TCF7L2: variants seen among roughly 807,000 people sequenced by gnomAD.
TCF7L2 encodes the protein transcription factor 7 like 2, also known as transcription factor 7-like 2.
TCF7L2 carries 23 observed loss-of-function variants against 77.9 expected under a neutral mutation model. The ratio of observed to expected loss-of-function variants is 0.30; its 90% CI spans 0.21 to 0.42. TCF7L2 has a LOEUF of 0.42. Ranked by LOEUF, TCF7L2 falls within the 10% of genes least tolerant of loss-of-function variation. TCF7L2 has a pLI of 1.00. For missense variants in TCF7L2, 654 were observed against 793.1 expected, an observed-to-expected ratio of 0.82 and a Z score of 2.11; for synonymous variants, 413 against 340.2, an observed-to-expected ratio of 1.21 and a Z score of -2.36.
At chr10:112,951,100 GT>G (rs993101071) in intron 1 of TCF7L2, 106 bp from the exon 2 acceptor site, 3 of 1,305,038 alleles carry the variant, frequency 2.3e-6, no homozygotes, top group African/African-American at 3.2e-5. Flanking sequence ...TTGTAACCCT[GT>G]TTTTTTCTAC....
rs1436095452 is a variant in TCF7L2 at position 113,151,169 on chromosome 10, T to C, written c.1001+46T>C. 1.9e-6 allele frequency: 3 copies of C among 1,611,940 alleles called. No homozygotes were observed. Among genetic ancestry groups the C allele is most frequent in the Non-Finnish European group, 2.5e-6 (3 of 1,178,360 alleles). ...CACCTTCTTCGTAGCCGCAGTGTTC[T>C]GCAAGCCTGTTGCAGCTGCTGGGTG... is the stretch of plus-strand genomic sequence containing the variant. On this transcript the variant is annotated intron_variant, in intron 9 of 13. Transcript: ENST00000627217. This position sits in a 1 kb window ranked among gnomAD's most constrained non-coding sequence, Gnocchi z 5.2.
At position 112,950,284 on chromosome 10, in the gene TCF7L2, G is replaced by T. The variant is rs575353517; in HGVS notation, c.-473G>T. On this transcript the variant is annotated 5_prime_UTR_variant, in exon 1 of 14. Coordinates refer to ENST00000627217, the MANE Select transcript of TCF7L2 (RefSeq NM_001146274.2). The stretch of plus-strand genomic sequence containing the variant: ...CGCTCCCAGACTACTCCGTTCCTCC[G>T]GATTTCGATCCCCCTTTTTCTATCT... 328 of 223,302 alleles carry T rather than the reference G, an allele frequency of 1.5e-3. 3 individuals are homozygous for T. Among genetic ancestry groups the T allele is most frequent in the African/African-American group, 7.0e-3 (307 of 44,112 alleles). The allele number at this position is 223,302 out of a possible 1,614,324, so 13.8% of individuals were successfully genotyped here. A position where few individuals can be genotyped will look rare whatever the true frequency, so the allele number is the denominator to read the frequency against.
At chr10:113,011,544 ATTACTACCTTGAGTATTGCTGTCAAGTG>A (rs2046449863) in intron 4 of TCF7L2, among the ~76,000 whole-genome samples, 1 of 152,178 alleles carries the variant, frequency 6.6e-6, no homozygotes, top group Non-Finnish European at 1.5e-5. Flanking sequence ...GCTGTTGAGC[ATTACTACCTTGAGTATTGCTGTCAAGTG>A]TTACTACCTT....
chr10:113,147,171 A>T (rs1027729376), intron 8 of TCF7L2, among the ~76,000 whole-genome samples: 1 of 152,160 alleles, frequency 6.6e-6, no homozygotes, highest in African/African-American at 2.4e-5. Context: ...GACTTTGCTG[A>T]TGGTCTGAAA....
Position 112,983,852 on chromosome 10 carries a change from C to T in TCF7L2, c.450+19228C>T, listed in dbSNP as rs117078397. ...TGTTGGAACTTTCTTGTGTGTCTCTCCTGAGGAAGCAATCAGTTAGTGGCC... is the reference window on the plus strand; with the variant it reads ...TGTTGGAACTTTCTTGTGTGTCTCTTCTGAGGAAGCAATCAGTTAGTGGCC... On this transcript the variant is annotated intron_variant, in intron 4 of 13. Transcript: ENST00000627217. Among the ~76,000 whole-genome samples the T allele has an allele frequency of 3.1e-3, 471 of 152,314 alleles. 2 individuals carry two copies. Among genetic ancestry groups the T allele is most frequent in the Non-Finnish European group, 4.4e-3 (300 of 68,030 alleles).
intron 5 of TCF7L2, among the ~76,000 whole-genome samples, chr10:113,047,916 G>A (rs11196207): frequency 6.6e-6 from 1 of 152,176 alleles, no homozygotes; most frequent in African/African-American, 2.4e-5. Context: ...CTCGGGGCTA[G>A]CGTTTCCTGA....
At chr10:113,043,563 C>T (rs1342189532) in intron 5 of TCF7L2, among the ~76,000 whole-genome samples, 2 of 152,120 alleles carry the variant, frequency 1.3e-5, no homozygotes, top group African/African-American at 2.4e-5. Flanking sequence ...AGGCGTCAGT[C>T]TTTGCCTTCC....
chr10:113,127,361 A>G (rs2136423007), intron 5 of TCF7L2, among the ~76,000 whole-genome samples: 1 of 151,404 alleles, frequency 6.6e-6, no homozygotes, highest in African/African-American at 2.4e-5. Flanking sequence ...CTTTTCGTCC[A>G]TCCATTCCTC....
chr10:113,073,682 C>T (rs148338539), intron 5 of TCF7L2, among the ~76,000 whole-genome samples: 2 of 150,942 alleles, frequency 1.3e-5, no homozygotes, highest in Non-Finnish European at 3.0e-5. Context: ...ACTGTGAGAC[C>T]CCGTCTTTAA....
intron 5 of TCF7L2, among the ~76,000 whole-genome samples, chr10:113,092,993 T>C (rs769373129): frequency 1.8e-4 from 27 of 152,224 alleles, no homozygotes; most frequent in Non-Finnish European, 3.2e-4. Context: ...TCGTCAGAAC[T>C]AAGTTTGAGT....
intron 5 of TCF7L2, among the ~76,000 whole-genome samples, chr10:113,080,446 A>G (rs2059206532): frequency 6.6e-6 from 1 of 152,098 alleles, no homozygotes. Flanking sequence ...TGGAATTCAT[A>G]TACTGGGGCA....
chr10:113,148,432 A>G (rs922928896), intron 8 of TCF7L2, among the ~76,000 whole-genome samples: 4 of 152,240 alleles, frequency 2.6e-5, no homozygotes, highest in African/African-American at 9.6e-5. Flanking sequence ...AAATGAGAGA[A>G]TAATGACAAA....
rs775568073 is a variant in TCF7L2 at position 113,166,858 on chromosome 10, A to G, written c.*886A>G. ...CTGTATGAAACCCAGATGTCACCAA[A>G]TGGACATTAATAGTTGCATTAAGGA... On this transcript the variant is annotated 3_prime_UTR_variant, in exon 14 of 14. Transcript: ENST00000627217. 8.7e-6 allele frequency: 2 copies of G among 228,866 alleles called. No individual in the cohort carries two copies. The highest frequency in any genetic ancestry group is 1.7e-5 in the Non-Finnish European group (2 of 115,504). 14.2% of individuals were successfully genotyped at this position (228,866 alleles called of 1,614,324 possible).
intron 12 of TCF7L2, 123 bp downstream of exon 14, chr10:113,160,115 G>T (rs988826906): frequency 1.2e-6 from 1 of 801,844 alleles, no homozygotes. Context: ...AGGGGAGTGG[G>T]ACACTGCCAA....
chr10:112,973,800 A>G (rs1264609073), intron 4 of TCF7L2, among the ~76,000 whole-genome samples: 1 of 152,246 alleles, frequency 6.6e-6, no homozygotes, highest in African/African-American at 2.4e-5. Context: ...CATGTTGGCC[A>G]GGCTGGTCTT....
intron 4 of TCF7L2, among the ~76,000 whole-genome samples, chr10:113,010,320 G>A (rs1355238239): frequency 6.6e-6 from 1 of 152,124 alleles, no homozygotes; most frequent in African/African-American, 2.4e-5. Flanking sequence ...CCAATGTGCT[G>A]CACATTAGGT....
chr10:112,959,878 T>C (rs1445550829), intron 3 of TCF7L2, among the ~76,000 whole-genome samples: 1 of 152,120 alleles, frequency 6.6e-6, no homozygotes, highest in East Asian at 1.9e-4. Context: ...TTTTGTTTCT[T>C]AAGGTAATTA....
intron 4 of TCF7L2, among the ~76,000 whole-genome samples, chr10:113,027,558 G>A (rs1012190217): frequency 6.6e-6 from 1 of 152,116 alleles, no homozygotes; most frequent in South Asian, 2.1e-4. Context: ...ACAGCCCTCT[G>A]TGTCCAAAGT....
intron 5 of TCF7L2, among the ~76,000 whole-genome samples, chr10:113,090,426 C>T (rs1343427586): frequency 6.6e-6 from 1 of 152,220 alleles, no homozygotes; most frequent in Non-Finnish European, 1.5e-5. Flanking sequence ...GTGCCTCCAG[C>T]AGGCAGAGAC....
Sources: gnomAD v4.1 joint callset for allele counts (sites outside exome capture counted in the v4.1 genomes callset) on GRCh38, gnomAD v4.1.1 for gene constraint, Gnocchi (gnomAD v3.1) non-coding constraint, MANE v1.5 for transcripts, NCBI Gene and HGNC (gene_info 2026-07-23, HGNC 2026-07-21) for gene names.